The following ZAN variants were observed in gnomAD, a reference collection of about 807,000 sequenced individuals.
The protein encoded by ZAN is zonadhesin.
A neutral mutation model predicts 286.2 loss-of-function variants in ZAN; 260 were observed. The ratio of observed to expected loss-of-function variants is 0.91; its 90% CI spans 0.82 to 1.01. The LOEUF (loss-of-function observed/expected upper bound fraction) is 1.01. Ranked by LOEUF, ZAN falls within the 50% of genes least tolerant of loss-of-function variation. The probability of loss-of-function intolerance (pLI) is 0.00; values close to 1 mark genes in which losing one functional copy is unlikely to be tolerated. For synonymous variants in ZAN, 1,368 were observed against 1,417.5 expected, an observed-to-expected ratio of 0.97 and a Z score of 0.79; for missense variants, 3,410 against 3,639.2, an observed-to-expected ratio of 0.94 and a Z score of 1.62.
chr7:100,781,241 T>A (rs919987146), intron 35 of ZAN, among the ~76,000 whole-genome samples: 1 of 152,154 alleles, frequency 6.6e-6, no homozygotes, highest in South Asian at 2.1e-4. Flanking sequence ...GTAATTTTTG[T>A]ATTTTTAGTA....
intron 31 of ZAN, 43 bp downstream of exon 31, chr7:100,773,908 C>T: frequency 1.3e-6 from 2 of 1,566,264 alleles, no homozygotes; most frequent in Non-Finnish European, 1.7e-6. Context: ...AGCCCTGAGG[C>T]CCACTCTCCC....
In ZAN at chr7:100,737,044, C is replaced by T. The variant is rs765675647; in HGVS notation, c.489C>T (p.Thr163=). 4.5e-5 allele frequency: 67 copies of T among 1,498,998 alleles called. 15 individuals are homozygous for T. The highest frequency in any genetic ancestry group is 1.7e-4 in the South Asian group (15 of 85,852). The allele number at this position is 1,498,998 out of a possible 1,614,324, so 92.9% of individuals were successfully genotyped here. ...NTQRPSWMLT[T]VTVPAGFTLP... Reference sequence around the variant, plus strand: ...AGAGACCCTCCTGGATGCTCACCACCGTCACTGTGCCCGCAGGGTTCACCC... The same window carrying T: ...AGAGACCCTCCTGGATGCTCACCACTGTCACTGTGCCCGCAGGGTTCACCC... The change falls in exon 5 of 48, where the codon ACC becomes ACT. Residue 163 remains threonine, a synonymous_variant. Transcript: ENST00000613979.
chr7:100,772,719 G>A (rs576977834), intron 29 of ZAN, among the ~76,000 whole-genome samples: 19 of 151,950 alleles, frequency 1.3e-4, no homozygotes, highest in Admixed American at 2.6e-4. Flanking sequence ...TACTCGGGAG[G>A]CTGAAGCAGG....
chr7:100,772,738 G>A (rs1356777532), intron 29 of ZAN, among the ~76,000 whole-genome samples: 1 of 150,954 alleles, frequency 6.6e-6, no homozygotes, highest in Non-Finnish European at 1.5e-5. Context: ...GGAGAATGGC[G>A]TGAATCTGGG....
At chr7:100,739,694 G>T (rs559657442) in intron 7 of ZAN, among the ~76,000 whole-genome samples, 1 of 137,644 alleles carries the variant, frequency 7.3e-6, no homozygotes, top group Non-Finnish European at 1.6e-5. Flanking sequence ...GTCTCGCCCT[G>T]TCTCCCAGGC....
rs1257123616 is a variant in ZAN, at chr7:100,775,671, C to T, written c.6030C>T (p.Ile2010=). 1 of 1,613,670 alleles carries T rather than the reference C, an allele frequency of 6.2e-7. No homozygotes were observed. The highest frequency in any genetic ancestry group is 1.3e-5 in the African/African-American group (1 of 74,924). Residue 2010 remains isoleucine (I), a splice_region_variant and synonymous_variant, in exon 33 of 48, where the codon ATC becomes ATT. Transcript: ENST00000613979. Reference sequence around the variant, plus strand: ...ACCGTCACTGTCCTCCTGTTTAGATCAACAGCAAACAGGTCACCCTCCCCG... The same window carrying T: ...ACCGTCACTGTCCTCCTGTTTAGATTAACAGCAAACAGGTCACCCTCCCCG... The part of the protein sequence containing the change: ...VTLQKGHRVL[I]NSKQVTLPAI...
intron 35 of ZAN, among the ~76,000 whole-genome samples, chr7:100,780,958 A>G (rs1472840831): frequency 6.6e-6 from 1 of 152,060 alleles, no homozygotes; most frequent in Admixed American, 6.6e-5. Context: ...AAAGACAAGA[A>G]AACTATATGC....
intron 38 of ZAN, among the ~76,000 whole-genome samples, chr7:100,788,618 A>G (rs1811733644): frequency 1.3e-5 from 2 of 152,168 alleles, no homozygotes; most frequent in Admixed American, 6.6e-5. Context: ...GCAAGAAACA[A>G]GAGGAAGAGA....
chr7:100,752,140 A>G lies in ZAN; in HGVS notation c.2035A>G (p.Thr679Ala). Residue 679 changes from threonine to alanine, a missense_variant, in exon 14 of 48, where the codon ACA becomes GCA. By Grantham distance (58) the Thr-to-Ala change is moderately conservative. Around this residue, in one of 7 missense-constraint regions of ZAN, gnomAD observed 872 missense variants for 938.9 expected, o/e 0.93. Transcript: ENST00000613979. ...TTSMEEPVIP[T>A]EKPSIPTEKP... ...CTCCATGGAAGAGCCTGTCATCCCT[A>G]CAGAAAAACCCAGCATCCCTACAGA... 2 of 1,610,034 alleles carry G rather than the reference A, an allele frequency of 1.2e-6. No homozygotes were observed. Among genetic ancestry groups the G allele is most frequent in the Non-Finnish European group, 1.7e-6 (2 of 1,178,902 alleles).
chr7:100,795,336 G>A lies in ZAN; in HGVS notation c.8266G>A (p.Ala2756Thr). Residue 2756 changes from alanine to threonine, a missense_variant and splice_region_variant, in exon 45 of 48, where the codon GCA (alanine) becomes ACA (threonine). Physicochemically the swap from Ala to Thr is moderately conservative, Grantham distance 58 (BLOSUM62 0). This residue lies in a region of ZAN where 1,289 missense variants were observed against 1,314.3 expected (regional missense o/e 0.98). Transcript: ENST00000613979. The stretch of plus-strand genomic sequence containing the variant: ...AGATGCGCCACCTCCCAGAAAGCCA[G>A]GTGAGGGCATCGTCCAAGGCCCTGT... Reference protein sequence around the residue: ...PRDAPPPRKPASNLVGVLLGL... With the variant: ...PRDAPPPRKPTSNLVGVLLGL... 1.3e-6 allele frequency: 2 copies of A among 1,584,112 alleles called. No individual in the cohort carries two copies. Among genetic ancestry groups the A allele is most frequent in the Non-Finnish European group, 1.7e-6 (2 of 1,162,932 alleles).
rs1809294369 is a variant in ZAN, at chr7:100,758,275, A to G, written c.3383A>G (p.Gln1128Arg). 4 of 1,613,372 alleles carry G rather than the reference A, an allele frequency of 2.5e-6. No individual in the cohort carries two copies. Among genetic ancestry groups the G allele is most frequent in the South Asian group, 1.1e-5 (1 of 91,080 alleles). Reference sequence around the variant, plus strand: ...TGGCCCGGCAGTCGGGTCGAGTGCCAGATCTCTCAGTGTGGGACACACACC... The same window carrying G: ...TGGCCCGGCAGTCGGGTCGAGTGCCGGATCTCTCAGTGTGGGACACACACC... ...RCWPGSRVECQISQCGTHTVC... is the reference protein window; with the variant it reads ...RCWPGSRVECRISQCGTHTVC... Residue 1128 changes from glutamine to arginine, a missense_variant, in exon 16 of 48, where the codon CAG becomes CGG. Coordinates refer to ENST00000613979, the MANE Select transcript of ZAN (RefSeq NM_003386.3).
chr7:100,767,342 CCT>C, intron 25 of ZAN, 85 bp downstream of exon 25: 16 of 1,535,018 alleles, frequency 1.0e-5, no homozygotes, highest in Non-Finnish European at 1.4e-5. Flanking sequence ...CGGATGCCCA[CCT>C]CTCTGGCTCC....
In ZAN at chr7:100,739,232, GA is replaced by G. The variant is rs923550958; in HGVS notation, c.766+621del. On this transcript the variant is annotated intron_variant, in intron 7 of 47. Coordinates refer to ENST00000613979, the MANE Select transcript of ZAN (RefSeq NM_003386.3). Reference sequence around the variant, plus strand: ...TCACCATGTTGGCCAGGCTGGTCTCGAACTCCGGACCTCAAGTGGTCCACCT... The same window carrying G: ...TCACCATGTTGGCCAGGCTGGTCTCGACTCCGGACCTCAAGTGGTCCACCT... 3.7e-5 allele frequency among the ~76,000 whole-genome samples: 5 copies of G among 135,428 alleles called. 1 individual carries two copies. Among genetic ancestry groups the G allele is most frequent in the African/African-American group, 1.4e-4 (5 of 37,010 alleles). 88.8% of individuals were successfully genotyped at this position (135,428 alleles called of 152,430 possible).
intron 47 of ZAN, 31 bp from the exon 48 acceptor site, chr7:100,797,676 C>T (rs760494101): frequency 3.1e-6 from 5 of 1,613,986 alleles, no homozygotes; most frequent in Non-Finnish European, 4.2e-6. Context: ...TGAGTCTCCT[C>T]TCATACATGG....
In ZAN at chr7:100,792,062, C is replaced by G; in HGVS notation, c.7626C>G (p.Asn2542Lys). Reference protein sequence around the residue: ...SECSPEQLASNSTQACRVLAD... With the variant: ...SECSPEQLASKSTQACRVLAD... ...GTAGCCCGGAGCAGCTGGCGAGCAA[C>G]AGCACCCAGGCCTGTAGGGTGCTGG... The change falls in exon 41 of 48, where the codon AAC (asparagine) becomes AAG (lysine). Residue 2542 changes from asparagine to lysine, a missense_variant. Transcript: ENST00000613979. The G allele has an allele frequency of 6.2e-7, 1 of 1,613,208 alleles. No homozygotes were observed. Among genetic ancestry groups the G allele is most frequent in the Non-Finnish European group, 8.5e-7 (1 of 1,179,760 alleles).
chr7:100,784,732 C>T lies in ZAN; in HGVS notation c.6732C>T (p.Cys2244=), dbSNP rs373935514. 142 of 1,613,924 alleles carry T rather than the reference C, an allele frequency of 8.8e-5. 1 individual carries two copies. Among genetic ancestry groups the T allele is most frequent in the South Asian group, 8.5e-4 (77 of 91,078 alleles). Residue 2244 remains cysteine, a synonymous_variant, in exon 36 of 48, where the codon TGC becomes TGT. Transcript: ENST00000613979. ...RCEGAKVPSA[C]AEGCICQPGY... is the part of the protein sequence containing the mutation. ...AGGGCGCCAAAGTCCCCTCTGCCTG[C>T]GCTGAGGGCTGCATTTGTCAGCCCG...
At position 100,738,864 on chromosome 7, in the gene ZAN, CTCT is replaced by C. The variant is rs201544312; in HGVS notation, c.766+261_766+263del. ...GCTCTTCTTCTTCTTCTTTCTCTTC[CTCT>C]TCTTCTTCTCCCTCTCCCTCTCCCT... On this transcript the variant is annotated intron_variant, in intron 7 of 47. Coordinates refer to ENST00000613979, the MANE Select transcript of ZAN (RefSeq NM_003386.3). Among the ~76,000 whole-genome samples, 177 of 79,344 alleles carry C rather than the reference CTCT, an allele frequency of 2.2e-3. 18 individuals carry two copies. The highest frequency in any genetic ancestry group is 0.012 in the East Asian group (41 of 3,324). The allele number at this position is 79,344 out of a possible 152,430, so 52.1% of individuals were successfully genotyped here. A position where few individuals can be genotyped will look rare whatever the true frequency, so the allele number is the denominator to read the frequency against.
At position 100,746,247 on chromosome 7, in the gene ZAN, C is replaced by A. The variant is rs573338484; in HGVS notation, c.767-291C>A. Among the ~76,000 whole-genome samples, 7 of 152,066 alleles carry A rather than the reference C, an allele frequency of 4.6e-5. No individual in the cohort carries two copies. In the South Asian group the frequency reaches 1.0e-3, roughly 23 times the overall value. On this transcript the variant is annotated intron_variant, in intron 7 of 47. Transcript: ENST00000613979. ...AGTGAGACTGTCTCAAAAACAAAAA[C>A]AAAACAACAACAACAAAGAGTTAGC...
Position 100,793,828 on chromosome 7 carries a change from T to G in ZAN, c.7796T>G (p.Val2599Gly), listed in dbSNP as rs1294089813. 1.9e-6 allele frequency: 3 copies of G among 1,592,426 alleles called. No individual in the cohort carries two copies. Among genetic ancestry groups the G allele is most frequent in the Non-Finnish European group, 2.6e-6 (3 of 1,166,558 alleles). ...LRCQVLSGHGVSSRYHISELY... is the reference protein window; with the variant it reads ...LRCQVLSGHGGSSRYHISELY... ...CATGACTGTCCCCGCAGCCATGGAG[T>G]GTCCAGCAGGTACCATATATCAGAG... The change falls in exon 43 of 48, where the codon GTG becomes GGG. Residue 2599 changes from valine (V) to glycine (G), a missense_variant. Val to Gly is a moderately radical substitution (Grantham distance 109). Coordinates refer to ENST00000613979, the MANE Select transcript of ZAN (RefSeq NM_003386.3).
Sources: allele counts gnomAD v4.1 joint callset (sites outside exome capture counted in the v4.1 genomes callset), GRCh38; gene constraint gnomAD v4.1.1; regional missense constraint gnomAD v4.1.1; transcripts MANE v1.5; gene names NCBI Gene and HGNC (gene_info 2026-07-23, HGNC 2026-07-21).